Variants in DUSP13B observed in about 807,000 individuals in gnomAD.
DUSP13B encodes the protein dual specificity protein phosphatase 13B.
At chr10:75,101,944 G>A in the DUSP13B span, 30 of 1,367,634 alleles carry the variant, frequency 2.2e-5, no homozygotes, top group East Asian at 4.5e-5. Context: ...GCCTGTCTCC[G>A]CACACTTGAT....
At chr10:75,107,980 C>T in the DUSP13B span, 3 of 1,605,894 alleles carry the variant, frequency 1.9e-6, no homozygotes, top group Admixed American at 1.7e-5. Flanking sequence ...GGGCTTGGAC[C>T]CCAAGTCCTA....
At chr10:75,099,235 C>A in the DUSP13B span, 6 of 1,232,268 alleles carry the variant, frequency 4.9e-6, no homozygotes, top group Non-Finnish European at 6.1e-6. Flanking sequence ...AGGGAAGGTG[C>A]ATACTGGGAA....
At chr10:75,107,919 T>G in the DUSP13B span, 3 of 1,485,388 alleles carry the variant, frequency 2.0e-6, no homozygotes, top group Admixed American at 6.1e-5. Flanking sequence ...AGGGCACTGA[T>G]GACTGAGAGG....
the DUSP13B span, among the ~76,000 whole-genome samples, chr10:75,100,057 T>C: frequency 2.0e-5 from 3 of 152,104 alleles, no homozygotes; most frequent in East Asian, 5.8e-4. Flanking sequence ...GAGATGGGGC[T>C]TTGGGAAGTG....
the DUSP13B span, chr10:75,108,238 C>A: frequency 6.4e-7 from 1 of 1,566,822 alleles, no homozygotes; most frequent in Non-Finnish European, 8.6e-7. Flanking sequence ...GCACTTGATG[C>A]CGGCCAAGCC....
the DUSP13B span, chr10:75,097,787 C>A: frequency 1.9e-6 from 3 of 1,613,876 alleles, no homozygotes; most frequent in Non-Finnish European, 2.5e-6. Flanking sequence ...CCACAGCAAG[C>A]GCTGCAGCGA....
chr10:75,103,763 G>T, the DUSP13B span: 1 of 698,960 alleles, frequency 1.4e-6, no homozygotes, highest in Non-Finnish European at 2.0e-6. Flanking sequence ...GCTGGAGACA[G>T]CTGTGGCCAA....
chr10:75,108,899 T>C, the DUSP13B span: 1 of 1,407,224 alleles, frequency 7.1e-7, no homozygotes, highest in East Asian at 2.7e-5. Context: ...CCTGGGATGG[T>C]CAGAGCAGAG....
the DUSP13B span, among the ~76,000 whole-genome samples, chr10:75,100,670 C>T: frequency 3.9e-5 from 6 of 152,204 alleles, no homozygotes; most frequent in Non-Finnish European, 5.9e-5. Flanking sequence ...TGCTCCTCCT[C>T]GCCCCCTTCC....
chr10:75,097,811 G>T, the DUSP13B span: 527 of 1,613,888 alleles, frequency 3.3e-4, no homozygotes, highest in Admixed American at 4.8e-4. Context: ...CAATGTGGGC[G>T]GCTGGTAGGG....
At chr10:75,095,982 C>T in the DUSP13B span, among the ~76,000 whole-genome samples, 3 of 152,170 alleles carry the variant, frequency 2.0e-5, no homozygotes, top group Non-Finnish European at 4.4e-5. Context: ...GGGCTGGGTG[C>T]GGTGGCTCAC....
chr10:75,094,759 G>A, the DUSP13B span: 42 of 1,614,166 alleles, frequency 2.6e-5, no homozygotes, highest in South Asian at 1.9e-4. Flanking sequence ...CAGATATTGC[G>A]GTGGGCCTGC....
the DUSP13B span, chr10:75,095,757 C>G: frequency 6.2e-7 from 1 of 1,614,178 alleles, no homozygotes; most frequent in Non-Finnish European, 8.5e-7. Context: ...GTGGGTGATT[C>G]CCAGCTGGAT....
chr10:75,105,959 C>A, the DUSP13B span: 1 of 1,205,914 alleles, frequency 8.3e-7, no homozygotes, highest in Non-Finnish European at 1.2e-6. Context: ...CCTGACCCTG[C>A]CTTGGGTGCA....
the DUSP13B span, among the ~76,000 whole-genome samples, chr10:75,100,190 G>A: frequency 6.6e-6 from 1 of 152,156 alleles, no homozygotes; most frequent in South Asian, 2.1e-4. Context: ...ACCCCCAGGA[G>A]GCTCCAGAGG....
the DUSP13B span, among the ~76,000 whole-genome samples, chr10:75,102,868 T>C: frequency 6.6e-6 from 1 of 151,884 alleles, no homozygotes; most frequent in Admixed American, 6.6e-5. Context: ...AGGAGAATCA[T>C]TTGAACCCGG....
chr10:75,100,507 T>G, the DUSP13B span, among the ~76,000 whole-genome samples: 1 of 152,138 alleles, frequency 6.6e-6, no homozygotes, highest in Non-Finnish European at 1.5e-5. Context: ...TTCTGACACC[T>G]GAGACTTGGT....
chr10:75,100,394 C>T, the DUSP13B span, among the ~76,000 whole-genome samples: 1 of 152,166 alleles, frequency 6.6e-6, no homozygotes, highest in African/African-American at 2.4e-5. Context: ...CCAGCCCATC[C>T]CATCAGTCAG....
At chr10:75,108,062 A>G in the DUSP13B span, 3 of 1,613,916 alleles carry the variant, frequency 1.9e-6, no homozygotes, top group Non-Finnish European at 2.5e-6. Flanking sequence ...TGTCAAAATC[A>G]GGGAGGTCGT....
Sources: gnomAD v4.1 joint callset for allele counts (sites outside exome capture counted in the v4.1 genomes callset) on GRCh38, gnomAD v4.1.1 for gene constraint, MANE v1.5 for transcripts, NCBI Gene and HGNC (gene_info 2026-07-23, HGNC 2026-07-21) for gene names.